The following DCLK2 variants were observed in gnomAD, a reference collection of about 807,000 sequenced individuals.
The protein encoded by DCLK2 is serine/threonine-protein kinase DCLK2.
A neutral mutation model predicts 78.4 loss-of-function variants in DCLK2; 31 were observed. The ratio of observed to expected loss-of-function variants is 0.40; its 90% confidence interval spans 0.30 to 0.53. The LOEUF is 0.53. Ranked by LOEUF, DCLK2 falls within the 20% of genes least tolerant of loss-of-function variation. The probability of loss-of-function intolerance (pLI) is 0.61; values close to 1 mark genes in which losing one functional copy is unlikely to be tolerated. For missense variants in DCLK2, 872 were observed against 973.7 expected, an observed-to-expected ratio of 0.90 and a Z score of 1.39; for synonymous variants, 407 against 374.9, an observed-to-expected ratio of 1.09 and a Z score of -0.99.
At chr4:150,210,111 G>A (rs1740177046) in intron 5 of DCLK2, among the ~76,000 whole-genome samples, 1 of 152,112 alleles carries the variant, frequency 6.6e-6, no homozygotes, top group African/African-American at 2.4e-5. Flanking sequence ...TGAAGTCCAA[G>A]TGCCTGGGTT....
At chr4:150,253,439 A>G in intron 15 of DCLK2, 1 of 1,289,672 alleles carries the variant, frequency 7.8e-7, no homozygotes, top group African/African-American at 1.5e-5. Context: ...AAAAAAAAGT[A>G]AAGTTGATGG....
intron 2 of DCLK2, among the ~76,000 whole-genome samples, chr4:150,172,313 A>G (rs947897651): frequency 6.6e-6 from 1 of 152,180 alleles, no homozygotes; most frequent in African/African-American, 2.4e-5. Context: ...GTATGACTAA[A>G]GAAATCCTGG....
intron 2 of DCLK2, among the ~76,000 whole-genome samples, chr4:150,191,813 A>G (rs1738475408): frequency 6.6e-6 from 1 of 152,184 alleles, no homozygotes; most frequent in African/African-American, 2.4e-5. Flanking sequence ...TCTACATTGT[A>G]TCTAGTTCAC....
intron 2 of DCLK2, among the ~76,000 whole-genome samples, chr4:150,104,394 TAAAAAAAAAAAAAAAAA>T (rs34276664): frequency 3.4e-5 from 1 of 29,762 alleles, no homozygotes; most frequent in Non-Finnish European, 5.5e-5. Flanking sequence ...CCACATCTCC[TAAAAAAAAAAAAAAAAA>T]AAAAAAAAAA....
At chr4:150,175,123 A>ATATATT (rs1560835338) in intron 2 of DCLK2, among the ~76,000 whole-genome samples, 1 of 63,726 alleles carries the variant, frequency 1.6e-5, no homozygotes, top group African/African-American at 6.2e-5. Context: ...TATATTTTTT[A>ATATATT]TATATATATA....
intron 12 of DCLK2, among the ~76,000 whole-genome samples, chr4:150,247,273 A>G (rs554132214): frequency 1.4e-3 from 208 of 152,304 alleles, no homozygotes; most frequent in African/African-American, 4.9e-3. Flanking sequence ...CAGTACCACT[A>G]AATGCATTCA....
intron 8 of DCLK2, among the ~76,000 whole-genome samples, chr4:150,227,955 T>C (rs760132249): frequency 5.9e-5 from 9 of 152,214 alleles, no homozygotes; most frequent in Non-Finnish European, 1.0e-4. Flanking sequence ...TTCAGGAGGC[T>C]GAGAGTCCGA....
At chr4:150,231,173 C>T (rs1487141390) in intron 8 of DCLK2, among the ~76,000 whole-genome samples, 2 of 152,220 alleles carry the variant, frequency 1.3e-5, no homozygotes, top group Non-Finnish European at 2.9e-5. Flanking sequence ...TACATTCAAC[C>T]TCCAGTGACT....
chr4:150,111,320 T>G (rs1183409114), intron 2 of DCLK2, among the ~76,000 whole-genome samples: 1 of 152,158 alleles, frequency 6.6e-6, no homozygotes, highest in East Asian at 1.9e-4. Context: ...TTTGCCCACT[T>G]ATTGATGGGA....
At chr4:150,131,456 G>A (rs1391196749) in intron 2 of DCLK2, among the ~76,000 whole-genome samples, 4 of 152,110 alleles carry the variant, frequency 2.6e-5, no homozygotes, top group African/African-American at 4.8e-5. Context: ...ACATTATATA[G>A]CAAATCTTAC....
At position 150,256,386 on chromosome 4, in the gene DCLK2, G is replaced by T. The variant is rs61746894; in HGVS notation, c.*139G>T. On this transcript the variant is annotated 3_prime_UTR_variant, in exon 16 of 16. Coordinates refer to ENST00000296550, the MANE Select transcript of DCLK2 (RefSeq NM_001040260.4). ...TCGCGGGTCCTCCGCAGGCCGCCTG[G>T]GAACCGGAGCCTGGCGTGCCGGAGC... 13,267 of 1,216,174 alleles carry T rather than the reference G, an allele frequency of 0.011. 1,007 individuals carry two copies. In the African/African-American group the frequency reaches 0.17, roughly 16 times the overall value. 75.3% of individuals were successfully genotyped at this position (1,216,174 alleles called of 1,614,324 possible).
intron 2 of DCLK2, among the ~76,000 whole-genome samples, chr4:150,121,167 G>A (rs763721601): frequency 1.0e-5 from 1 of 98,402 alleles, no homozygotes; most frequent in African/African-American, 4.6e-5. Flanking sequence ...GATTGATCAG[G>A]GTGGTGGTTG....
intron 15 of DCLK2, chr4:150,253,123 C>T (rs1489699856): frequency 2.2e-6 from 1 of 454,190 alleles, no homozygotes; most frequent in Admixed American, 2.4e-5. Flanking sequence ...TCATCCTCCT[C>T]ATCCTCCTCA....
intron 4 of DCLK2, chr4:150,199,063 A>C (rs778456646): frequency 6.3e-7 from 1 of 1,596,674 alleles, no homozygotes; most frequent in Non-Finnish European, 8.5e-7. Flanking sequence ...TGCCTATTCT[A>C]CAGCCAAATC....
At chr4:150,108,934 C>T (rs780172123) in intron 2 of DCLK2, among the ~76,000 whole-genome samples, 32 of 152,166 alleles carry the variant, frequency 2.1e-4, no homozygotes, top group Non-Finnish European at 4.1e-4. Flanking sequence ...GGACCACTGC[C>T]AGCCTTAGGA....
chr4:150,168,659 G>A (rs1736282754), intron 2 of DCLK2, among the ~76,000 whole-genome samples: 1 of 152,166 alleles, frequency 6.6e-6, no homozygotes, highest in Non-Finnish European at 1.5e-5. Flanking sequence ...CTGTACTTCT[G>A]AATGTGTGGC....
intron 9 of DCLK2, 68 bp downstream of exon 9, chr4:150,232,524 C>A: frequency 6.3e-7 from 1 of 1,579,300 alleles, no homozygotes. Context: ...AGGACCTAAT[C>A]AGAAAAGTGT....
rs974746189 is a variant in DCLK2 at position 150,175,223 on chromosome 4, A to C, written c.757-17915A>C. Among the ~76,000 whole-genome samples the C allele has an allele frequency of 2.6e-4, 32 of 125,374 alleles. 2 individuals carry two copies. Among genetic ancestry groups the C allele is most frequent in the African/African-American group, 8.5e-4 (27 of 31,802 alleles). The allele number at this position is 125,374 out of a possible 152,430, so 82.3% of individuals were successfully genotyped here. ...TATATATTTATATATATTTATCTAT[A>C]TATATTTATATATATATAAAGCTTT... On this transcript the variant is annotated intron_variant, in intron 2 of 15. Transcript: ENST00000296550.
At chr4:150,212,188 A>G (rs933531173) in intron 5 of DCLK2, among the ~76,000 whole-genome samples, 5 of 152,226 alleles carry the variant, frequency 3.3e-5, no homozygotes, top group African/African-American at 4.8e-5. Context: ...CATTTGGAAC[A>G]TTATCCAACA....
Sources: gnomAD v4.1 joint callset for allele counts (sites outside exome capture counted in the v4.1 genomes callset) on GRCh38, gnomAD v4.1.1 for gene constraint, MANE v1.5 for transcripts, NCBI Gene and HGNC (gene_info 2026-07-23, HGNC 2026-07-21) for gene names.